The following TRIQK variants were observed in gnomAD, a reference collection of about 807,000 sequenced individuals.
TRIQK encodes triple QxxK/R motif-containing protein.
A neutral mutation model predicts 10.8 loss-of-function variants in TRIQK; 10 were observed. That is an observed-to-expected ratio of 0.92 (90% CI 0.57 to 1.57). TRIQK has a LOEUF of 1.57. TRIQK is among the 40% of genes most tolerant of loss of function. TRIQK has a pLI of 0.00. For synonymous variants in TRIQK, 33 were observed against 33.7 expected, an observed-to-expected ratio of 0.98 and a Z score of 0.07; for missense variants, 107 against 97.7, an observed-to-expected ratio of 1.09 and a Z score of -0.40.
chr8:92,916,981 T>C lies in TRIQK; in HGVS notation c.9A>G (p.Arg3=). The C allele has an allele frequency of 6.6e-7, 1 of 1,507,390 alleles. No homozygotes were observed. Among genetic ancestry groups the C allele is most frequent in the Non-Finnish European group, 8.8e-7 (1 of 1,134,184 alleles). The allele number at this position is 1,507,390 out of a possible 1,614,324, so 93.4% of individuals were successfully genotyped here. A position where few individuals can be genotyped will look rare whatever the true frequency, so the allele number is the denominator to read the frequency against. ...GAAGTTTTATAGTAGCAGCATCTTT[T>C]CTACCCATCTTTGATCTCCAAAATG... MG[R]KDAATIKLPV... Residue 3 remains arginine (R), a synonymous_variant, in exon 3 of 5, where the codon AGA becomes AGG. Coordinates refer to ENST00000521988, the MANE Select transcript of TRIQK (RefSeq NM_001171797.2).
intron 1 of TRIQK, among the ~76,000 whole-genome samples, chr8:92,956,048 A>C (rs565395653): frequency 1.3e-5 from 2 of 151,848 alleles, no homozygotes; most frequent in Non-Finnish European, 2.9e-5. Flanking sequence ...CAGCAATTTT[A>C]GTCTTAGGTA....
chr8:92,980,670 G>A (rs1812977984), intron 1 of TRIQK, among the ~76,000 whole-genome samples: 1 of 151,934 alleles, frequency 6.6e-6, no homozygotes, highest in South Asian at 2.1e-4. Flanking sequence ...TACATTTTAT[G>A]TAGGTTTTAT....
intron 2 of TRIQK, among the ~76,000 whole-genome samples, chr8:92,934,914 CAAAT>C (rs1810907085): frequency 1.3e-5 from 2 of 151,594 alleles, no homozygotes; most frequent in South Asian, 2.1e-4. Flanking sequence ...TATGTAGAAA[CAAAT>C]AAATAAGTAA....
intron 1 of TRIQK, among the ~76,000 whole-genome samples, chr8:92,996,889 A>G (rs1813157188): frequency 6.6e-6 from 1 of 151,968 alleles, no homozygotes; most frequent in African/African-American, 2.4e-5. Context: ...TAGCAAGCAG[A>G]AAAAAGTGTT....
At chr8:92,962,041 GA>G (rs1812486294) in intron 1 of TRIQK, among the ~76,000 whole-genome samples, 1 of 151,984 alleles carries the variant, frequency 6.6e-6, no homozygotes, top group African/African-American at 2.4e-5. Flanking sequence ...ATTTTTCATG[GA>G]AACATACACC....
chr8:92,911,876 C>CAT (rs1464857984), intron 3 of TRIQK, among the ~76,000 whole-genome samples: 1 of 144,098 alleles, frequency 6.9e-6, no homozygotes, highest in Non-Finnish European at 1.5e-5. Context: ...TATGAGTGTA[C>CAT]ATATATATGT....
At chr8:92,946,621 C>T (rs1402806000) in intron 2 of TRIQK, among the ~76,000 whole-genome samples, 2 of 151,942 alleles carry the variant, frequency 1.3e-5, no homozygotes, top group Non-Finnish European at 2.9e-5. Flanking sequence ...GAATAAACTG[C>T]CTAAAGCAAT....
At chr8:93,008,853 T>G (rs183187882) in intron 1 of TRIQK, among the ~76,000 whole-genome samples, 24 of 152,308 alleles carry the variant, frequency 1.6e-4, no homozygotes, top group African/African-American at 5.8e-4. Context: ...AAGACTTAAG[T>G]GTAATGCTTG....
At chr8:92,918,315 G>T (rs1209927008) in intron 2 of TRIQK, among the ~76,000 whole-genome samples, 2 of 151,686 alleles carry the variant, frequency 1.3e-5, no homozygotes, top group Non-Finnish European at 3.0e-5. Flanking sequence ...TTCCATAATG[G>T]TGTACCAATT....
intron 1 of TRIQK, among the ~76,000 whole-genome samples, chr8:92,976,173 G>A (rs1040230645): frequency 6.6e-6 from 1 of 151,768 alleles, no homozygotes; most frequent in Non-Finnish European, 1.5e-5. Flanking sequence ...ATGTCTAGTT[G>A]GTTAATAGAG....
rs1816428730 is a variant in TRIQK, at chr8:92,885,437, A to T, written c.*1185T>A. 6.3e-6 allele frequency: 1 copy of T among 158,682 alleles called. No individual in the cohort carries two copies. Among genetic ancestry groups the T allele is most frequent in the Admixed American group, 6.0e-5 (1 of 16,586 alleles). 9.8% of individuals were successfully genotyped at this position (158,682 alleles called of 1,614,324 possible). A position where few individuals can be genotyped will look rare whatever the true frequency, so the allele number is the denominator to read the frequency against. On this transcript the variant is annotated 3_prime_UTR_variant, in exon 5 of 5. Transcript: ENST00000521988. ...TTTCCAACAATTTCATTTTCTATGC[A>T]TCTTTACATAAGGTAGTAGCTAATA...
At chr8:92,956,095 A>G (rs1382709833) in intron 1 of TRIQK, among the ~76,000 whole-genome samples, 1 of 151,780 alleles carries the variant, frequency 6.6e-6, no homozygotes, top group African/African-American at 2.4e-5. Context: ...CCACACAAAA[A>G]CTTATATACG....
At chr8:92,994,221 T>C (rs959223107) in intron 1 of TRIQK, among the ~76,000 whole-genome samples, 1 of 152,174 alleles carries the variant, frequency 6.6e-6, no homozygotes, top group African/African-American at 2.4e-5. Flanking sequence ...AAATTATGCC[T>C]TTTACTATCA....
chr8:92,951,089 A>G (rs1475638774), intron 2 of TRIQK, among the ~76,000 whole-genome samples: 1 of 151,292 alleles, frequency 6.6e-6, no homozygotes, highest in East Asian at 2.0e-4. Context: ...GTTTTACTGT[A>G]TTTTTCTGTT....
At chr8:92,934,073 T>C (rs1186249618) in intron 2 of TRIQK, among the ~76,000 whole-genome samples, 2 of 152,034 alleles carry the variant, frequency 1.3e-5, no homozygotes, top group Non-Finnish European at 2.9e-5. Context: ...ATTTTTGTAA[T>C]GGTGGCTATT....
intron 2 of TRIQK, among the ~76,000 whole-genome samples, chr8:92,949,303 C>A (rs1177414732): frequency 6.6e-6 from 1 of 152,018 alleles, no homozygotes; most frequent in Non-Finnish European, 1.5e-5. Flanking sequence ...TGATTTTGAT[C>A]CTTTTTGGTG....
At position 92,930,314 on chromosome 8, in the gene TRIQK, C is replaced by T. The variant is rs193290669; in HGVS notation, c.-21-13304G>A. The stretch of plus-strand genomic sequence containing the variant: ...CTGAGGCAGGAGAATCGCTTGAACC[C>T]GGGAGGTGGAGGTTGCAGTGAGCCG... On this transcript the variant is annotated intron_variant, in intron 2 of 4. Transcript: ENST00000521988. 6.4e-3 allele frequency among the ~76,000 whole-genome samples: 919 copies of T among 142,716 alleles called. 49 individuals carry two copies. The highest frequency in any genetic ancestry group is 0.056 in the Admixed American group (781 of 13,912). 93.6% of individuals were successfully genotyped at this position (142,716 alleles called of 152,430 possible). A position where few individuals can be genotyped will look rare whatever the true frequency, so the allele number is the denominator to read the frequency against.
At chr8:92,972,951 A>G (rs1383838627) in intron 1 of TRIQK, 3 of 152,232 alleles carry the variant, frequency 2.0e-5, no homozygotes, top group African/African-American at 7.2e-5. Flanking sequence ...AAGCGTGTGC[A>G]TGAGCAGAAG....
At chr8:93,000,426 T>A (rs1263013181) in intron 1 of TRIQK, among the ~76,000 whole-genome samples, 2 of 152,126 alleles carry the variant, frequency 1.3e-5, no homozygotes, top group African/African-American at 4.8e-5. Flanking sequence ...GGAGGGGAAC[T>A]GCCCTTTATA....
Sources: allele counts gnomAD v4.1 joint callset (sites outside exome capture counted in the v4.1 genomes callset), GRCh38; gene constraint gnomAD v4.1.1; transcripts MANE v1.5; gene names NCBI Gene and HGNC (gene_info 2026-07-23, HGNC 2026-07-21).